Variants in MGAT5 observed in about 807,000 individuals in gnomAD.
MGAT5 encodes alpha-1,6-mannosylglycoprotein 6-beta-N-acetylglucosaminyltransferase.
A neutral mutation model predicts 94.3 loss-of-function variants in MGAT5; 30 were observed. The observed-to-expected ratio is 0.32, with a 90% CI of 0.24 to 0.43. The LOEUF (loss-of-function observed/expected upper bound fraction) is 0.43. Ranked by LOEUF, MGAT5 falls within the 20% of genes least tolerant of loss-of-function variation. The probability of loss-of-function intolerance (pLI) is 1.00; values close to 1 mark genes in which losing one functional copy is unlikely to be tolerated. For missense variants in MGAT5, 691 were observed against 905.5 expected (o/e 0.76, Z 3.04); for synonymous variants, 310 against 322.9 (o/e 0.96, Z 0.43).
At chr2:134,333,199 G>C (rs566654709) in intron 4 of MGAT5, among the ~76,000 whole-genome samples, 2 of 152,138 alleles carry the variant, frequency 1.3e-5, no homozygotes, top group Non-Finnish European at 2.9e-5. Flanking sequence ...GTCCAACAAT[G>C]ATAGACTGGA....
chr2:134,195,326 T>C (rs1435304546), intron 1 of MGAT5, among the ~76,000 whole-genome samples: 2 of 152,242 alleles, frequency 1.3e-5, no homozygotes, highest in African/African-American at 4.8e-5. Context: ...AAGATTCAAG[T>C]GTGAATTTTC....
intron 1 of MGAT5, among the ~76,000 whole-genome samples, chr2:134,226,339 A>G (rs1681062465): frequency 6.6e-6 from 1 of 152,250 alleles, no homozygotes; most frequent in Non-Finnish European, 1.5e-5. Flanking sequence ...CATATAACAT[A>G]TCTCCTTTTT....
chr2:134,220,289 C>T (rs191760468), intron 1 of MGAT5, among the ~76,000 whole-genome samples: 120 of 152,298 alleles, frequency 7.9e-4, no homozygotes, highest in African/African-American at 2.6e-3. Context: ...TGTCCTTGGG[C>T]ACATTCACTC....
Position 134,446,831 on chromosome 2 carries a change from G to A in MGAT5, c.2028-1818G>A, listed in dbSNP as rs190758496. 2.6e-5 allele frequency among the ~76,000 whole-genome samples: 4 copies of A among 152,338 alleles called. No homozygotes were observed. In the East Asian group the frequency reaches 7.7e-4, roughly 29 times the overall value. On this transcript the variant is annotated intron_variant, in intron 15 of 15. Coordinates refer to ENST00000281923, the MANE Select transcript of MGAT5 (RefSeq NM_002410.5). ...GCAGGAGGCGCCGCAGGCTCTGGGG[G>A]AGGGAGGCCTGAGCACCAGTGACAT...
At chr2:134,400,055 A>G (rs1682945109) in intron 10 of MGAT5, among the ~76,000 whole-genome samples, 1 of 152,204 alleles carries the variant, frequency 6.6e-6, no homozygotes, top group African/African-American at 2.4e-5. Context: ...ATCCTGGAGA[A>G]GAGGAGACCA....
At chr2:134,431,206 G>A (rs1684856866) in intron 14 of MGAT5, among the ~76,000 whole-genome samples, 1 of 152,190 alleles carries the variant, frequency 6.6e-6, no homozygotes, top group Admixed American at 6.5e-5. Flanking sequence ...CTCGGCTGAA[G>A]AATTCCAGTT....
Position 134,278,935 on chromosome 2 carries a change from T to C in MGAT5, c.406+8385T>C, listed in dbSNP as rs115460022. 4.3e-3 allele frequency among the ~76,000 whole-genome samples: 651 copies of C among 152,324 alleles called. 2 individuals carry two copies. The highest frequency in any genetic ancestry group is 9.0e-3 in the Admixed American group (137 of 15,304). ...ACATCCCAGAGGTTTGTGATGTCCT[T>C]GCCTTGTGTTCCTACCATGTGTGTC... On this transcript the variant is annotated intron_variant, in intron 2 of 15. Transcript: ENST00000281923.
At chr2:134,177,654 C>G (rs1688543416) in intron 1 of MGAT5, among the ~76,000 whole-genome samples, 1 of 152,150 alleles carries the variant, frequency 6.6e-6, no homozygotes, top group African/African-American at 2.4e-5. Context: ...TCTATTACGC[C>G]TGGGCATGAT....
chr2:134,149,357 ATGTT>A (rs1225366129), intron 1 of MGAT5, among the ~76,000 whole-genome samples: 1 of 152,132 alleles, frequency 6.6e-6, no homozygotes, highest in African/African-American at 2.4e-5. Flanking sequence ...AGAAGCTGAA[ATGTT>A]TTATAGGCCC....
At chr2:134,219,206 T>C (rs1680637361) in intron 1 of MGAT5, among the ~76,000 whole-genome samples, 1 of 152,018 alleles carries the variant, frequency 6.6e-6, no homozygotes, top group African/African-American at 2.4e-5. Flanking sequence ...GAGCAGGAAA[T>C]GGCTGAGCGA....
At chr2:134,405,192 G>A (rs890129336) in intron 11 of MGAT5, among the ~76,000 whole-genome samples, 3 of 152,252 alleles carry the variant, frequency 2.0e-5, no homozygotes, top group Admixed American at 6.5e-5. Context: ...CAGGAAAAGA[G>A]GCAGGGAAGG....
upstream of MGAT5, among the ~76,000 whole-genome samples, chr2:134,253,524 G>A (rs1017318812): frequency 2.6e-5 from 4 of 152,204 alleles, no homozygotes; most frequent in Non-Finnish European, 5.9e-5. Context: ...CATGGTGGGA[G>A]TGAAAGTGAG....
intron 1 of MGAT5, among the ~76,000 whole-genome samples, chr2:134,217,270 T>TGTGTGTG (rs1553495169): frequency 6.6e-6 from 1 of 151,126 alleles, no homozygotes; most frequent in Non-Finnish European, 1.5e-5. Flanking sequence ...TGTGTGTGTG[T>TGTGTGTG]AAAATATACC....
chr2:134,424,135 C>G (rs1684451343), intron 13 of MGAT5, among the ~76,000 whole-genome samples: 1 of 152,162 alleles, frequency 6.6e-6, no homozygotes, highest in Non-Finnish European at 1.5e-5. Flanking sequence ...CAAAGTAAAA[C>G]TCAGAAGTGG....
At chr2:134,208,851 T>C (rs1361252125) in intron 1 of MGAT5, among the ~76,000 whole-genome samples, 1 of 152,240 alleles carries the variant, frequency 6.6e-6, no homozygotes, top group African/African-American at 2.4e-5. Flanking sequence ...ATATTCTTTG[T>C]TTTAGGAAAG....
At chr2:134,293,525 G>C (rs926804521) in intron 2 of MGAT5, among the ~76,000 whole-genome samples, 5 of 151,896 alleles carry the variant, frequency 3.3e-5, no homozygotes, top group African/African-American at 1.2e-4. Flanking sequence ...CTGGAGTGTA[G>C]TGGTGCGATC....
intron 1 of MGAT5, among the ~76,000 whole-genome samples, chr2:134,247,126 A>C (rs1682315969): frequency 6.6e-6 from 1 of 152,190 alleles, no homozygotes; most frequent in South Asian, 2.1e-4. Context: ...ATAACTTACC[A>C]AGCACTCTAA....
At chr2:134,347,378 G>C (rs1688981576) in intron 8 of MGAT5, among the ~76,000 whole-genome samples, 1 of 152,084 alleles carries the variant, frequency 6.6e-6, no homozygotes, top group Non-Finnish European at 1.5e-5. Context: ...TTACATCTAG[G>C]CGCTGTGCAA....
intron 6 of MGAT5, among the ~76,000 whole-genome samples, chr2:134,340,869 G>A (rs759274872): frequency 3.3e-5 from 5 of 152,210 alleles, no homozygotes; most frequent in East Asian, 1.9e-4. Flanking sequence ...CAATTATTAC[G>A]TATGCTCTCT....
Sources: gnomAD v4.1 joint callset for allele counts (sites outside exome capture counted in the v4.1 genomes callset) on GRCh38, gnomAD v4.1.1 for gene constraint, MANE v1.5 for transcripts, NCBI Gene and HGNC (gene_info 2026-07-23, HGNC 2026-07-21) for gene names.